Variants in HYDIN observed in about 807,000 individuals in gnomAD.
HYDIN encodes HYDIN axonemal central pair apparatus protein.
HYDIN carries 132 observed loss-of-function variants against 403.9 expected under a neutral mutation model. The ratio of observed to expected loss-of-function variants is 0.33; its 90% CI spans 0.28 to 0.38. The LOEUF (loss-of-function observed/expected upper bound fraction) is 0.38, where lower values mean the gene tolerates loss of function less well. Ranked by LOEUF, HYDIN falls within the 10% of genes least tolerant of loss-of-function variation. The pLI, the probability that HYDIN is intolerant of heterozygous loss-of-function variation, is 1.00. For synonymous variants in HYDIN, 1,202 were observed against 1,891.7 expected, an observed-to-expected ratio of 0.64 and a Z score of 9.46; for missense variants, 2,827 against 5,009.5, an observed-to-expected ratio of 0.56 and a Z score of 13.15.
At chr16:71,108,327 A>C (rs889317249) in intron 10 of HYDIN, among the ~76,000 whole-genome samples, 1 of 152,208 alleles carries the variant, frequency 6.6e-6, no homozygotes, top group Admixed American at 6.5e-5. Flanking sequence ...GCAAAAGAAC[A>C]AAAACAAAAA....
At chr16:71,227,066 A>G (rs1439706663) in intron 1 of HYDIN, among the ~76,000 whole-genome samples, 1 of 152,140 alleles carries the variant, frequency 6.6e-6, no homozygotes, top group Non-Finnish European at 1.5e-5. Flanking sequence ...TAAAAAGGAA[A>G]GATGTGTCAC....
At chr16:71,090,673 T>TG (rs1194798335) in intron 11 of HYDIN, among the ~76,000 whole-genome samples, 4 of 109,368 alleles carry the variant, frequency 3.7e-5, no homozygotes, top group East Asian at 4.4e-4. Flanking sequence ...CTAATTTTTG[T>TG]GGGTTTTTTT....
Position 71,062,300 on chromosome 16 carries a change from T to A in HYDIN, c.2245A>T (p.Ser749Cys). The A allele has an allele frequency of 6.3e-7, 1 of 1,585,360 alleles. No individual in the cohort carries two copies. Among genetic ancestry groups the A allele is most frequent in the Non-Finnish European group, 8.6e-7 (1 of 1,164,534 alleles). ...GAGATGACCCCGCTGGGGGTGGGGC[T>A]GGAAAACAGCACAGTAGGCACCTCC... ...CEEVPTVLFS[S>C]PTPSGVISPS... The change falls in exon 17 of 86, where the codon AGC (serine) becomes TGC (cysteine). Residue 749 changes from serine (S) to cysteine (C), a missense_variant. Transcript: ENST00000393567.
chr16:71,184,994 G>C lies in HYDIN; in HGVS notation c.136-4C>G. 6.3e-7 allele frequency: 1 copy of C among 1,589,790 alleles called. No homozygotes were observed. Among genetic ancestry groups the C allele is most frequent in the Non-Finnish European group, 8.6e-7 (1 of 1,166,354 alleles). On this transcript the variant is annotated splice_polypyrimidine_tract_variant and splice_region_variant and intron_variant, in intron 2 of 85. Coordinates refer to ENST00000393567, the MANE Select transcript of HYDIN (RefSeq NM_001270974.2). ...TCAGGAACTCTGAGGGTGTAAGCTA[G>C]AATGTAAAACAATAAGAACCAAAGA...
At position 70,818,247 on chromosome 16, in the gene HYDIN, A is replaced by C. The variant is rs1362092161; in HGVS notation, c.14658+95T>G. 4.5e-6 allele frequency: 3 copies of C among 666,686 alleles called. No homozygotes were observed. In the African/African-American group the frequency reaches 5.4e-5, roughly 12 times the overall value. 41.3% of individuals were successfully genotyped at this position (666,686 alleles called of 1,614,324 possible). A position where few individuals can be genotyped will look rare whatever the true frequency, so the allele number is the denominator to read the frequency against. Reference sequence around the variant, plus strand: ...TCCTGACCACTGTCAGGGCTGGCCCACCCTCTGGGGATGCAGAGTGTGGAT... The same window carrying C: ...TCCTGACCACTGTCAGGGCTGGCCCCCCCTCTGGGGATGCAGAGTGTGGAT... On this transcript the variant is annotated intron_variant, in intron 84 of 85. Coordinates refer to ENST00000393567, the MANE Select transcript of HYDIN (RefSeq NM_001270974.2).
rs543372045 is a variant in HYDIN, at chr16:70,841,486, A to G, written c.12874-1253T>C. On this transcript the variant is annotated intron_variant, in intron 75 of 85. Coordinates refer to ENST00000393567, the MANE Select transcript of HYDIN (RefSeq NM_001270974.2). ...AACAGTGGAGCTTCCCGAACTCTCA[A>G]TGACCAGTGATGCACCTTGGATTTT... Among the ~76,000 whole-genome samples the G allele has an allele frequency of 3.9e-5, 6 of 151,970 alleles. No homozygotes were observed. The East Asian group carries it at 1.2e-3, about 29-fold the overall frequency.
At chr16:71,194,889 C>G (rs753631584) in intron 1 of HYDIN, among the ~76,000 whole-genome samples, 1 of 152,144 alleles carries the variant, frequency 6.6e-6, no homozygotes, top group Non-Finnish European at 1.5e-5. Context: ...CTCACAAGTC[C>G]TTTAACATGG....
chr16:70,818,761 G>C (rs535192857), intron 83 of HYDIN, among the ~76,000 whole-genome samples, 189 bp from the exon 84 acceptor site: 240 of 147,896 alleles, frequency 1.6e-3, no homozygotes, highest in Non-Finnish European at 2.9e-3. Flanking sequence ...AGGGATTCCG[G>C]CTCCTCCCAG....
At position 70,884,014 on chromosome 16, in the gene HYDIN, A is replaced by G. The variant is rs542630068; in HGVS notation, c.9885T>C (p.Cys3295=). The part of the protein sequence containing the change: ...VDCVADAMGK[C]EEFIAIDISG... ...AGATATCGATGGCTATAAACTCCTCACACTTTCCCATGGCGTCAGCCACAC... is the reference window on the plus strand; with the variant it reads ...AGATATCGATGGCTATAAACTCCTCGCACTTTCCCATGGCGTCAGCCACAC... Residue 3295 remains cysteine (C), a synonymous_variant, in exon 59 of 86, where the codon TGT becomes TGC. Transcript: ENST00000393567. The G allele has an allele frequency of 1.9e-6, 3 of 1,614,122 alleles. No homozygotes were observed. The African/African-American group carries it at 4.0e-5, about 22-fold the overall frequency.
At chr16:71,200,514 C>T (rs2087945339) in intron 1 of HYDIN, among the ~76,000 whole-genome samples, 1 of 152,174 alleles carries the variant, frequency 6.6e-6, no homozygotes, top group South Asian at 2.1e-4. Flanking sequence ...GTCTTGCCAT[C>T]TTGATTGCTT....
chr16:71,200,104 A>T (rs1465300959), intron 1 of HYDIN, among the ~76,000 whole-genome samples: 2 of 152,204 alleles, frequency 1.3e-5, no homozygotes, highest in Non-Finnish European at 2.9e-5. Context: ...CAGCGCCATG[A>T]CAGTTTAAAA....
intron 75 of HYDIN, among the ~76,000 whole-genome samples, 190 bp downstream of exon 75, chr16:70,849,536 C>A (rs1312633196): frequency 6.6e-5 from 10 of 152,230 alleles, no homozygotes; most frequent in South Asian, 2.1e-4. Flanking sequence ...TTTCAATCCA[C>A]ACTTACTCCC....
At chr16:71,220,864 C>A (rs1193931617) in intron 1 of HYDIN, among the ~76,000 whole-genome samples, 1 of 152,024 alleles carries the variant, frequency 6.6e-6, no homozygotes, top group East Asian at 1.9e-4. Context: ...TTGTTTGAAC[C>A]AACTCTCCTG....
At chr16:70,892,647 G>A (rs1159855633) in intron 55 of HYDIN, 118 bp from the exon 56 acceptor site, 20 of 871,952 alleles carry the variant, frequency 2.3e-5, no homozygotes, top group Non-Finnish European at 3.4e-5. Flanking sequence ...TAGCCACTAC[G>A]TCCGGCGGAG....
At chr16:70,955,827 C>CA (rs140987888) in intron 39 of HYDIN, among the ~76,000 whole-genome samples, 1 of 151,430 alleles carries the variant, frequency 6.6e-6, no homozygotes, top group East Asian at 1.9e-4. Context: ...TTCTTTTTTT[C>CA]TTTTTTTTTG....
At chr16:70,953,716 T>G (rs929918623) in intron 40 of HYDIN, among the ~76,000 whole-genome samples, 155 of 151,632 alleles carry the variant, frequency 1.0e-3, no homozygotes, top group Non-Finnish European at 1.6e-3. Context: ...TAGCTTGATG[T>G]TATTTTCTCA....
intron 1 of HYDIN, among the ~76,000 whole-genome samples, chr16:71,206,553 G>A (rs968893543): frequency 1.4e-4 from 21 of 152,134 alleles, no homozygotes; most frequent in Non-Finnish European, 7.4e-5. Flanking sequence ...TAGTTCTCCA[G>A]CAAGGGTTCT....
intron 23 of HYDIN, among the ~76,000 whole-genome samples, chr16:71,012,602 T>G (rs1422021884): frequency 1.3e-5 from 2 of 152,220 alleles, no homozygotes; most frequent in Non-Finnish European, 2.9e-5. Flanking sequence ...GCACCGCAGA[T>G]GTACATGTGT....
chr16:71,137,934 C>T (rs1557899), intron 7 of HYDIN, among the ~76,000 whole-genome samples: 109 of 147,670 alleles, frequency 7.4e-4, no homozygotes, highest in African/African-American at 2.3e-3. Context: ...CACACACATA[C>T]ACACACACAC....
Sources: allele counts gnomAD v4.1 joint callset (sites outside exome capture counted in the v4.1 genomes callset), GRCh38; gene constraint gnomAD v4.1.1; transcripts MANE v1.5; gene names NCBI Gene and HGNC (gene_info 2026-07-23, HGNC 2026-07-21).